Variants in ZNF438 observed in about 807,000 individuals in gnomAD.
ZNF438 encodes zinc finger protein 438.
In ZNF438, 25 loss-of-function variants were observed where a neutral mutation model predicts 38.0. That is an observed-to-expected ratio of 0.66 (90% confidence interval 0.48 to 0.92). ZNF438 has a LOEUF of 0.92. ZNF438 is among the 40% of genes least tolerant of loss of function. The pLI is 0.00. For missense variants in ZNF438, 1,007 were observed against 999.6 expected (o/e 1.01, Z -0.10); for synonymous variants, 372 against 364.1 (o/e 1.02, Z -0.25).
At chr10:30,982,126 G>A (rs1448785452) in intron 1 of ZNF438, among the ~76,000 whole-genome samples, 5 of 146,940 alleles carry the variant, frequency 3.4e-5, no homozygotes, top group Non-Finnish European at 7.4e-5. Flanking sequence ...TTTTGAGATG[G>A]AGTCTCGCGC....
intron 2 of ZNF438, among the ~76,000 whole-genome samples, chr10:30,930,499 G>C (rs1297480048): frequency 6.6e-6 from 1 of 152,116 alleles, no homozygotes; most frequent in Non-Finnish European, 1.5e-5. Flanking sequence ...CAGTGCAGCA[G>C]TGGGCTGAAG....
At chr10:30,972,617 G>C (rs1352188824) in intron 1 of ZNF438, among the ~76,000 whole-genome samples, 2 of 152,132 alleles carry the variant, frequency 1.3e-5, no homozygotes, top group Non-Finnish European at 2.9e-5. Context: ...CCATGGGCCA[G>C]ACTCAGCCTG....
intron 4 of ZNF438, among the ~76,000 whole-genome samples, chr10:30,859,934 A>G (rs967053348): frequency 1.3e-5 from 2 of 152,190 alleles, no homozygotes; most frequent in African/African-American, 2.4e-5. Flanking sequence ...GCTGGCCTCA[A>G]AAGATAGCTT....
intron 1 of ZNF438, among the ~76,000 whole-genome samples, chr10:31,003,055 G>A (rs1304020094): frequency 6.6e-6 from 1 of 152,132 alleles, no homozygotes; most frequent in Non-Finnish European, 1.5e-5. Context: ...TGGTATACAG[G>A]TGAACACGTC....
intron 2 of ZNF438, among the ~76,000 whole-genome samples, chr10:30,924,872 T>C (rs529992100): frequency 1.2e-4 from 18 of 152,194 alleles, no homozygotes; most frequent in Non-Finnish European, 2.5e-4. Context: ...AAATAAAAGC[T>C]GTAGTTTAGT....
At position 30,880,159 on chromosome 10, in the gene ZNF438, G is replaced by A. The variant is rs541261353; in HGVS notation, c.-31-3094C>T. Among the ~76,000 whole-genome samples the A allele has an allele frequency of 1.0e-3, 157 of 152,082 alleles. 1 individual carries two copies. Among genetic ancestry groups the A allele is most frequent in the African/African-American group, 3.5e-3 (147 of 41,502 alleles). On this transcript the variant is annotated intron_variant, in intron 3 of 5. Coordinates refer to ENST00000413025, the Ensembl canonical transcript of ZNF438. ...AAATGATGCAAGTCTGGCTGGACGC[G>A]GAGGCTCACACCTGGAATCCCAGCA...
At chr10:30,898,162 C>T (rs542182829) in intron 3 of ZNF438, among the ~76,000 whole-genome samples, 5 of 152,178 alleles carry the variant, frequency 3.3e-5, no homozygotes, top group Non-Finnish European at 7.4e-5. Flanking sequence ...GTGGTAGCCT[C>T]TGGAAAAGGA....
intron 3 of ZNF438, among the ~76,000 whole-genome samples, chr10:30,886,812 TTTTTAC>T (rs1019272849): frequency 1.3e-5 from 2 of 152,202 alleles, no homozygotes; most frequent in African/African-American, 2.4e-5. Context: ...TTTTTTTGTT[TTTTTAC>T]TTTTAAAGTA....
At chr10:30,942,214 G>A (rs1564692952) in intron 1 of ZNF438, among the ~76,000 whole-genome samples, 4 of 152,172 alleles carry the variant, frequency 2.6e-5, no homozygotes, top group African/African-American at 7.2e-5. Context: ...GAGGGAGATC[G>A]ATAAGGACTA....
At chr10:30,997,898 A>G (rs568192798) in intron 1 of ZNF438, among the ~76,000 whole-genome samples, 1 of 152,312 alleles carries the variant, frequency 6.6e-6, no homozygotes, top group East Asian at 1.9e-4. Context: ...AGGATGGTAG[A>G]ATGAAAAGAC....
At chr10:30,975,416 T>A (rs1227312605) in intron 1 of ZNF438, among the ~76,000 whole-genome samples, 4 of 152,126 alleles carry the variant, frequency 2.6e-5, no homozygotes, top group African/African-American at 9.7e-5. Flanking sequence ...CCAATGAGAA[T>A]CTAAGTGCCA....
At chr10:30,993,289 T>A (rs1035346271) in intron 1 of ZNF438, among the ~76,000 whole-genome samples, 1 of 152,114 alleles carries the variant, frequency 6.6e-6, no homozygotes, top group African/African-American at 2.4e-5. Flanking sequence ...GGCCTAGGAG[T>A]GCAGAATGGT....
rs751298192 is a variant in ZNF438 at position 30,961,266 on chromosome 10, ATTT to A, written c.-191-19618_-191-19616del. Among the ~76,000 whole-genome samples, 9 of 141,764 alleles carry A rather than the reference ATTT, an allele frequency of 6.3e-5. 1 individual carries two copies. 93.0% of individuals were successfully genotyped at this position (141,764 alleles called of 152,430 possible). A position where few individuals can be genotyped will look rare whatever the true frequency, so the allele number is the denominator to read the frequency against. ...TAAAAAAAAAAAATTAAAAAAAAAAATTTTTTAATTTATTATACCTTTTTAAAA... is the reference window on the plus strand; with the variant it reads ...TAAAAAAAAAAAATTAAAAAAAAAAATTTAATTTATTATACCTTTTTAAAA... On this transcript the variant is annotated intron_variant, in intron 1 of 5. Transcript: ENST00000413025.
chr10:30,873,957 T>C (rs1004740724), intron 4 of ZNF438, among the ~76,000 whole-genome samples: 2 of 152,014 alleles, frequency 1.3e-5, no homozygotes. Context: ...TCATAATTTA[T>C]AGCTAGCCAT....
chr10:30,905,368 G>A (rs558559975), intron 3 of ZNF438, among the ~76,000 whole-genome samples: 3 of 152,318 alleles, frequency 2.0e-5, no homozygotes, highest in African/African-American at 7.2e-5. Context: ...TAACGACGTT[G>A]CACATCTTTT....
chr10:30,856,246 G>A (rs187557086), intron 4 of ZNF438, among the ~76,000 whole-genome samples: 5 of 152,294 alleles, frequency 3.3e-5, no homozygotes, highest in African/African-American at 9.6e-5. Context: ...GCACTGAGAA[G>A]TATTAGAGCT....
intron 1 of ZNF438, among the ~76,000 whole-genome samples, chr10:31,000,017 T>C (rs750577889): frequency 6.6e-6 from 1 of 152,246 alleles, no homozygotes; most frequent in Admixed American, 6.5e-5. Context: ...ATTAACTTTA[T>C]CTCTTTTTTG....
At chr10:30,963,754 G>A (rs1350429309) in intron 1 of ZNF438, among the ~76,000 whole-genome samples, 1 of 151,780 alleles carries the variant, frequency 6.6e-6, no homozygotes, top group Non-Finnish European at 1.5e-5. Flanking sequence ...GGTGGCAGGC[G>A]CCTGTAATCC....
At chr10:31,023,667 G>A (rs2056758300) in intron 1 of ZNF438, among the ~76,000 whole-genome samples, 1 of 152,154 alleles carries the variant, frequency 6.6e-6, no homozygotes, top group Non-Finnish European at 1.5e-5. Context: ...TCCTAAGCTG[G>A]AAACAAGTAA....
Sources: allele counts gnomAD v4.1 joint callset (sites outside exome capture counted in the v4.1 genomes callset), GRCh38; gene constraint gnomAD v4.1.1; transcripts MANE v1.5; gene names NCBI Gene and HGNC (gene_info 2026-07-23, HGNC 2026-07-21).